The following DACH2 variants were observed in gnomAD, a reference collection of about 807,000 sequenced individuals.
DACH2 encodes the protein dachshund family transcription factor 2.
In DACH2, 17 loss-of-function variants were observed where a neutral mutation model predicts 35.8. That is an observed-to-expected ratio of 0.48 (90% CI 0.33 to 0.71). The LOEUF (loss-of-function observed/expected upper bound fraction) is 0.71, where lower values mean the gene tolerates loss of function less well. DACH2 is among the 30% of genes least tolerant of loss of function. The probability of loss-of-function intolerance (pLI) is 0.02; values close to 1 mark genes in which losing one functional copy is unlikely to be tolerated. For missense variants in DACH2, 469 were observed against 472.7 expected (o/e 0.99, Z 0.07); for synonymous variants, 195 against 177.3 (o/e 1.10, Z -0.79).
chrX:86,769,445 A>C (rs1203217249), intron 7 of DACH2, among the ~76,000 whole-genome samples: 1 of 112,317 alleles, frequency 8.9e-6, no homozygotes, highest in Non-Finnish European at 1.9e-5. Context: ...AGCTATTCTA[A>C]AATTCACATG....
intron 2 of DACH2, among the ~76,000 whole-genome samples, chrX:86,404,268 G>A (rs953078099): frequency 9.0e-6 from 1 of 110,986 alleles, no homozygotes; most frequent in Non-Finnish European, 1.9e-5. Context: ...TAACTCAAAA[G>A]TCCAAGTCCA....
intron 11 of DACH2, among the ~76,000 whole-genome samples, chrX:86,820,651 T>C (rs767937034): frequency 9.3e-4 from 104 of 111,278 alleles, no homozygotes; most frequent in African/African-American, 3.1e-3. Flanking sequence ...TAACATCTAT[T>C]ATAATATATT....
At chrX:86,645,067 A>T (rs2040398562) in intron 3 of DACH2, among the ~76,000 whole-genome samples, 1 of 111,153 alleles carries the variant, frequency 9.0e-6, no homozygotes, top group Admixed American at 9.6e-5. Flanking sequence ...TTAACAAATG[A>T]GATCTAATTA....
intron 1 of DACH2, among the ~76,000 whole-genome samples, chrX:86,201,205 A>G (rs1356856982): frequency 9.8e-6 from 1 of 101,921 alleles, no homozygotes; most frequent in African/African-American, 3.5e-5. Flanking sequence ...TAAATACCGC[A>G]TGTTCTCACT....
intron 1 of DACH2, among the ~76,000 whole-genome samples, chrX:86,233,091 GA>G: frequency 8.9e-6 from 1 of 111,777 alleles, no homozygotes; most frequent in Non-Finnish European, 1.9e-5. Flanking sequence ...TGCAGGAACA[GA>G]AAAAGCAAAT....
At chrX:86,610,338 TTCTTTCTCCTTCCTTCCTTCCTTCC>T (rs1396897442) in intron 3 of DACH2, among the ~76,000 whole-genome samples, 2 of 107,164 alleles carry the variant, frequency 1.9e-5, no homozygotes, top group African/African-American at 3.3e-5. Context: ...TCCTTCCTCT[TTCTTTCTCCTTCCTTCCTTCCTTCC>T]TCTTTCTTTC....
rs995777420 is a variant in DACH2 at position 86,396,027 on chromosome X, G to A, written c.527+19165G>A. 1.2e-4 allele frequency among the ~76,000 whole-genome samples: 13 copies of A among 111,195 alleles called. No individual in the cohort carries two copies. In the East Asian group the frequency reaches 1.4e-3, roughly 12 times the overall value. The stretch of plus-strand genomic sequence containing the variant: ...CAACAGTGTAAAAGTGTTCCTATTC[G>A]TCCACATCCTCTCCAGCACCTGTTG... On this transcript the variant is annotated intron_variant, in intron 2 of 11. Coordinates refer to ENST00000373125, the MANE Select transcript of DACH2 (RefSeq NM_053281.3).
chrX:86,698,514 G>GGTTTTTTTTTT (rs2041093654), intron 5 of DACH2, among the ~76,000 whole-genome samples: 1 of 34,343 alleles, frequency 2.9e-5, no homozygotes, highest in Non-Finnish European at 4.9e-5. Flanking sequence ...TGTTTTGTTA[G>GGTTTTTTTTTT]TTTTGTGTTT....
At chrX:86,394,990 T>C (rs755367436) in intron 2 of DACH2, among the ~76,000 whole-genome samples, 25 of 111,980 alleles carry the variant, frequency 2.2e-4, no homozygotes, top group South Asian at 7.4e-4. Context: ...TCATCCCTAC[T>C]CGGGCCAATC....
chrX:86,828,380 G>A (rs925486970), intron 11 of DACH2: 1 of 111,474 alleles, frequency 9.0e-6, no homozygotes, highest in African/African-American at 3.3e-5. Context: ...ACCACACCCA[G>A]TTTTTCCTTT....
At chrX:86,444,351 A>G (rs1321207642) in intron 2 of DACH2, among the ~76,000 whole-genome samples, 2 of 111,641 alleles carry the variant, frequency 1.8e-5, no homozygotes, top group Non-Finnish European at 3.8e-5. Context: ...TGGCCTCCCA[A>G]TAGTCTAGGA....
At chrX:86,508,050 G>A (rs980823091) in intron 2 of DACH2, among the ~76,000 whole-genome samples, 2 of 111,423 alleles carry the variant, frequency 1.8e-5, no homozygotes, top group African/African-American at 3.3e-5. Flanking sequence ...GGAGAAGGGT[G>A]GAAAGTGGGA....
Position 86,455,407 on chromosome X carries a change from C to T in DACH2, c.528-58872C>T, listed in dbSNP as rs1002081748. ...AACAGCTGAGTTCACAGAACTGCAG[C>T]GATGGTGACCGTCCCTCCCCCCGAA... On this transcript the variant is annotated intron_variant, in intron 2 of 11. Transcript: ENST00000373125. Among the ~76,000 whole-genome samples, 9 of 111,568 alleles carry T rather than the reference C, an allele frequency of 8.1e-5. No homozygotes were observed. In the Admixed American group the frequency reaches 8.6e-4, roughly 11 times the overall value.
intron 3 of DACH2, among the ~76,000 whole-genome samples, chrX:86,628,515 T>G (rs960110210): frequency 3.5e-5 from 4 of 112,789 alleles, no homozygotes; most frequent in Middle Eastern, 4.7e-3. Context: ...CTTGATGTTA[T>G]GAATTACACG....
At chrX:86,765,653 G>A in intron 7 of DACH2, among the ~76,000 whole-genome samples, 1 of 99,483 alleles carries the variant, frequency 1.0e-5, no homozygotes, top group Middle Eastern at 6.0e-3. Context: ...ATAGTTTAAA[G>A]TCAGGTAATG....
At chrX:86,507,323 T>A (rs1400986817) in intron 2 of DACH2, among the ~76,000 whole-genome samples, 2 of 111,498 alleles carry the variant, frequency 1.8e-5, no homozygotes, top group Non-Finnish European at 3.8e-5. Flanking sequence ...TGATTATTGA[T>A]GAGACTTCAT....
At chrX:86,774,686 A>G (rs1056155724) in intron 7 of DACH2, among the ~76,000 whole-genome samples, 4 of 112,161 alleles carry the variant, frequency 3.6e-5, no homozygotes, top group African/African-American at 1.3e-4. Context: ...GCTGCAAACT[A>G]TAATTTCAGT....
intron 7 of DACH2, among the ~76,000 whole-genome samples, chrX:86,763,404 A>G (rs1472862105): frequency 8.9e-6 from 1 of 112,559 alleles, no homozygotes; most frequent in Admixed American, 9.4e-5. Flanking sequence ...ATAGAGTTCA[A>G]AAATAGGCAA....
chrX:86,646,724 G>T (rs1031562898), intron 3 of DACH2, among the ~76,000 whole-genome samples: 7 of 109,436 alleles, frequency 6.4e-5, no homozygotes, highest in African/African-American at 2.3e-4. Flanking sequence ...AATATATAAG[G>T]ATATCCTGCA....
Sources: allele counts gnomAD v4.1 joint callset (sites outside exome capture counted in the v4.1 genomes callset), GRCh38; gene constraint gnomAD v4.1.1; transcripts MANE v1.5; gene names NCBI Gene and HGNC (gene_info 2026-07-23, HGNC 2026-07-21).